Variants in ADCY9 observed in about 807,000 individuals in gnomAD.
ADCY9 encodes adenylate cyclase type 9.
A neutral mutation model predicts 101.5 loss-of-function variants in ADCY9; 50 were observed. That is an observed-to-expected ratio of 0.49 (90% CI 0.39 to 0.62). The LOEUF is 0.62. Among genes scored for constraint, ADCY9 ranks in the 20% least tolerant of loss-of-function variants. The pLI is 0.00. For missense variants in ADCY9, 1,662 were observed against 1,800.4 expected (o/e 0.92, Z 1.39); for synonymous variants, 905 against 769.3 (o/e 1.18, Z -2.92).
intron 2 of ADCY9, among the ~76,000 whole-genome samples, chr16:4,012,940 C>G (rs2056413543): frequency 6.6e-6 from 1 of 152,072 alleles, no homozygotes; most frequent in African/African-American, 2.4e-5. Flanking sequence ...AATCAAGGAC[C>G]TGACTGCCAA....
intron 6 of ADCY9, among the ~76,000 whole-genome samples, chr16:3,986,953 T>C (rs1010520440): frequency 1.3e-5 from 2 of 152,228 alleles, no homozygotes; most frequent in Non-Finnish European, 2.9e-5. Flanking sequence ...ATAAAGTCCA[T>C]GGCATGGGAG....
At chr16:4,085,052 C>T (rs574855869) in intron 2 of ADCY9, among the ~76,000 whole-genome samples, 7 of 152,138 alleles carry the variant, frequency 4.6e-5, no homozygotes, top group African/African-American at 1.4e-4. Context: ...GCTGGCAACA[C>T]CCAGAGGCTG....
intron 2 of ADCY9, among the ~76,000 whole-genome samples, chr16:4,093,967 T>C (rs765686260): frequency 1.3e-5 from 2 of 152,098 alleles, no homozygotes; most frequent in African/African-American, 2.4e-5. Flanking sequence ...TACAGTAACA[T>C]CATGACTGGA....
chr16:4,078,286 G>C (rs1470524008), intron 2 of ADCY9, among the ~76,000 whole-genome samples: 1 of 152,162 alleles, frequency 6.6e-6, no homozygotes, highest in Non-Finnish European at 1.5e-5. Flanking sequence ...TCCAGTCCAG[G>C]CACAATGGTT....
At chr16:3,970,659 T>C (rs1449073536) in intron 10 of ADCY9, among the ~76,000 whole-genome samples, 1 of 152,202 alleles carries the variant, frequency 6.6e-6, no homozygotes, top group African/African-American at 2.4e-5. Context: ...AAGTGTCTAA[T>C]AAGTTTCACT....
intron 3 of ADCY9, among the ~76,000 whole-genome samples, chr16:3,998,731 A>G (rs1471536868): frequency 3.5e-5 from 5 of 143,164 alleles, no homozygotes; most frequent in South Asian, 4.3e-4. Flanking sequence ...AAAAAAAAAA[A>G]AAAAGAAAAG....
chr16:3,957,809 C>T (rs2055915608), downstream of ADCY9, among the ~76,000 whole-genome samples: 1 of 152,144 alleles, frequency 6.6e-6, no homozygotes, highest in Non-Finnish European at 1.5e-5. Context: ...GGGCGGGGCG[C>T]GGGCATTTCG....
rs1205955708 is a variant in ADCY9, at chr16:3,985,171, C to G, written c.2311-1731G>C. On this transcript the variant is annotated intron_variant, in intron 6 of 10. Coordinates refer to ENST00000294016, the MANE Select transcript of ADCY9 (RefSeq NM_001116.4). ...TTTTTTTTTTTTTTTGAGATGGGAT[C>G]TGGCTGTCGCCAGGCTGGAGTGCAG... Among the ~76,000 whole-genome samples the G allele has an allele frequency of 3.4e-5, 4 of 116,264 alleles. No homozygotes were observed. The Admixed American group carries it at 4.8e-4, about 14-fold the overall frequency. The allele number at this position is 116,264 out of a possible 152,430, so 76.3% of individuals were successfully genotyped here.
At chr16:4,094,515 T>C (rs893308195) in intron 2 of ADCY9, among the ~76,000 whole-genome samples, 2 of 152,056 alleles carry the variant, frequency 1.3e-5, no homozygotes, top group Non-Finnish European at 2.9e-5. Flanking sequence ...TTCAAATTAC[T>C]ATAAAGAAAA....
At chr16:4,060,239 G>T (rs1017939638) in intron 2 of ADCY9, among the ~76,000 whole-genome samples, 2 of 152,192 alleles carry the variant, frequency 1.3e-5, no homozygotes, top group African/African-American at 4.8e-5. Context: ...AACCTAGCCG[G>T]AAGATACAGA....
intron 2 of ADCY9, among the ~76,000 whole-genome samples, chr16:4,034,924 T>C (rs1238815948): frequency 6.6e-6 from 1 of 152,196 alleles, no homozygotes; most frequent in Non-Finnish European, 1.5e-5. Context: ...ACTCACCGCA[T>C]ACCAGGTACC....
intron 3 of ADCY9, among the ~76,000 whole-genome samples, chr16:4,005,073 G>A (rs932190471): frequency 3.3e-5 from 5 of 152,016 alleles, no homozygotes; most frequent in Non-Finnish European, 5.9e-5. Context: ...TGTGCTCAAA[G>A]AGGCCTGAGA....
chr16:4,020,813 G>A (rs527309985), intron 2 of ADCY9, among the ~76,000 whole-genome samples: 20 of 123,824 alleles, frequency 1.6e-4, no homozygotes, highest in African/African-American at 5.5e-4. Flanking sequence ...GCGACAGAGC[G>A]AGACTCCGTC....
downstream of ADCY9, among the ~76,000 whole-genome samples, chr16:3,957,819 G>T (rs972673408): frequency 6.6e-6 from 1 of 152,114 alleles, no homozygotes; most frequent in Non-Finnish European, 1.5e-5. Flanking sequence ...CGGGCATTTC[G>T]CTCCTCTCTC....
rs561880173 is a variant in ADCY9, at chr16:4,094,705, C to T, written c.1693+19045G>A. ...GAAAATAAAATTGAGGAGATTAATACAATATAATAATCAGGCACTGCAGAT... is the reference window on the plus strand; with the variant it reads ...GAAAATAAAATTGAGGAGATTAATATAATATAATAATCAGGCACTGCAGAT... On this transcript the variant is annotated intron_variant, in intron 2 of 10. Coordinates refer to ENST00000294016, the MANE Select transcript of ADCY9 (RefSeq NM_001116.4). Among the ~76,000 whole-genome samples, 26 of 151,960 alleles carry T rather than the reference C, an allele frequency of 1.7e-4. 1 individual carries two copies. The South Asian group carries it at 5.4e-3, about 32-fold the overall frequency.
At chr16:4,028,612 C>T (rs2056533468) in intron 2 of ADCY9, among the ~76,000 whole-genome samples, 1 of 152,092 alleles carries the variant, frequency 6.6e-6, no homozygotes, top group South Asian at 2.1e-4. Flanking sequence ...TGCCTGAAAC[C>T]AGATATGATG....
chr16:3,998,758 GA>G (rs1311252415), intron 3 of ADCY9, among the ~76,000 whole-genome samples: 1 of 4,952 alleles, frequency 2.0e-4, no homozygotes, highest in African/African-American at 8.3e-4. Flanking sequence ...AGAAAGAAAA[GA>G]AAAGAAAAGA....
At chr16:4,009,105 T>G (rs1470778157) in intron 2 of ADCY9, among the ~76,000 whole-genome samples, 1 of 152,208 alleles carries the variant, frequency 6.6e-6, no homozygotes, top group Non-Finnish European at 1.5e-5. Context: ...AAATACTACG[T>G]GGCTAATCTT....
Position 3,963,426 on chromosome 16 carries a change from G to T in ADCY9, c.*2349C>A, listed in dbSNP as rs564542395. 1 of 398,354 alleles carries T rather than the reference G, an allele frequency of 2.5e-6. No individual in the cohort carries two copies. The highest frequency in any genetic ancestry group is 2.1e-5 in the African/African-American group (1 of 48,684). 24.7% of individuals were successfully genotyped at this position (398,354 alleles called of 1,614,324 possible). A position where few individuals can be genotyped will look rare whatever the true frequency, so the allele number is the denominator to read the frequency against. On this transcript the variant is annotated 3_prime_UTR_variant, in exon 11 of 11. Coordinates refer to ENST00000294016, the MANE Select transcript of ADCY9 (RefSeq NM_001116.4). ...GCACTGAGGTATGCATCGGAGCAGG[G>T]GACGGGGAGGACCCGAGGGGCTTCG...
Sources: allele counts gnomAD v4.1 joint callset (sites outside exome capture counted in the v4.1 genomes callset), GRCh38; gene constraint gnomAD v4.1.1; transcripts MANE v1.5; gene names NCBI Gene and HGNC (gene_info 2026-07-23, HGNC 2026-07-21).